CORO2A: variants seen among roughly 807,000 people sequenced by gnomAD.
CORO2A encodes the protein coronin-2A.
A neutral mutation model predicts 62.4 loss-of-function variants in CORO2A; 47 were observed. That is an observed-to-expected ratio of 0.75 (90% CI 0.60 to 0.96). The LOEUF is 0.96. Among genes scored for constraint, CORO2A ranks in the 40% least tolerant of loss-of-function variants. The probability of loss-of-function intolerance (pLI) is 0.00; values close to 1 mark genes in which losing one functional copy is unlikely to be tolerated. For missense variants in CORO2A, 610 were observed against 684.1 expected (o/e 0.89, Z 1.21); for synonymous variants, 273 against 268.9 (o/e 1.02, Z -0.15).
At chr9:98,153,713 G>C (rs1221202151) in intron 2 of CORO2A, among the ~76,000 whole-genome samples, 6 of 148,326 alleles carry the variant, frequency 4.0e-5, no homozygotes, top group Admixed American at 6.7e-5. Context: ...CACCCCGAGA[G>C]GCAAAATGTT....
chr9:98,125,915 G>A (rs1274543422), intron 11 of CORO2A, among the ~76,000 whole-genome samples: 2 of 151,048 alleles, frequency 1.3e-5, no homozygotes, highest in African/African-American at 4.9e-5. Flanking sequence ...ACGGGGTTTC[G>A]CCATGTTGGC....
At chr9:98,138,271 C>A (rs530455944) in intron 2 of CORO2A, among the ~76,000 whole-genome samples, 1 of 151,886 alleles carries the variant, frequency 6.6e-6, no homozygotes, top group African/African-American at 2.4e-5. Context: ...AAAAATTAGC[C>A]GGGCGTGGTA....
rs1256970715 is a variant in CORO2A at position 98,124,354 on chromosome 9, C to T, written c.*420G>A. ...TCCCGACCTCAAGCAATCCGCCCAC[C>T]TCAGCCTCCCAGAGTGCTGGGATTA... On this transcript the variant is annotated 3_prime_UTR_variant, in exon 12 of 12. Transcript: ENST00000375077. 6.5e-6 allele frequency: 1 copy of T among 153,078 alleles called. No homozygotes were observed. The highest frequency in any genetic ancestry group is 1.5e-5 in the Non-Finnish European group (1 of 68,674). 9.5% of individuals were successfully genotyped at this position (153,078 alleles called of 1,614,324 possible).
chr9:98,171,521 T>G (rs949024367), intron 1 of CORO2A, among the ~76,000 whole-genome samples: 2 of 152,228 alleles, frequency 1.3e-5, no homozygotes, highest in Non-Finnish European at 2.9e-5. Context: ...GGCCCCCATG[T>G]AACCAGCAAG....
intron 3 of CORO2A, among the ~76,000 whole-genome samples, chr9:98,136,813 ATGACTTT>A (rs1827491477): frequency 6.6e-6 from 1 of 152,190 alleles, no homozygotes; most frequent in African/African-American, 2.4e-5. Flanking sequence ...AATGGTGACA[ATGACTTT>A]TATCTTTATT....
chr9:98,146,331 G>T (rs781420764), intron 2 of CORO2A, among the ~76,000 whole-genome samples: 2 of 152,142 alleles, frequency 1.3e-5, no homozygotes, highest in Non-Finnish European at 2.9e-5. Flanking sequence ...TACAGTCCCT[G>T]GTTGCCAAGG....
chr9:98,151,663 C>A (rs766716257), intron 2 of CORO2A, among the ~76,000 whole-genome samples: 12 of 151,984 alleles, frequency 7.9e-5, no homozygotes, highest in African/African-American at 2.7e-4. Context: ...ACTTTTCTTT[C>A]GCTATTTTTC....
intron 1 of CORO2A, among the ~76,000 whole-genome samples, chr9:98,159,056 C>T (rs1473248730): frequency 6.7e-6 from 1 of 148,368 alleles, no homozygotes; most frequent in African/African-American, 2.5e-5. Context: ...CCTCATATCA[C>T]CCTTTATTTA....
rs570285552 is a variant in CORO2A, at chr9:98,120,993, A to G, written c.*3781T>C. ...AAGCTCCTTGTAGTAAAATGGCCAGATGTTTATTATTTTGTTACATTATTT... is the reference window on the plus strand; with the variant it reads ...AAGCTCCTTGTAGTAAAATGGCCAGGTGTTTATTATTTTGTTACATTATTT... On this transcript the variant is annotated 3_prime_UTR_variant, in exon 12 of 12. Coordinates refer to ENST00000375077, the MANE Select transcript of CORO2A (RefSeq NM_052820.4). The G allele has an allele frequency of 8.6e-4, 131 of 152,302 alleles. No homozygotes were observed. The highest frequency in any genetic ancestry group is 3.1e-3 in the African/African-American group (127 of 41,556). The allele number at this position is 152,302 out of a possible 1,614,324, so 9.4% of individuals were successfully genotyped here.
intron 2 of CORO2A, among the ~76,000 whole-genome samples, chr9:98,150,062 G>C (rs905937354): frequency 6.6e-6 from 1 of 151,880 alleles, no homozygotes; most frequent in Non-Finnish European, 1.5e-5. Flanking sequence ...CTCCCGAATA[G>C]TTGGGGTTAC....
At chr9:98,127,081 A>G (rs1827332573) in intron 10 of CORO2A, 4 of 553,198 alleles carry the variant, frequency 7.2e-6, no homozygotes, top group South Asian at 4.4e-5. Context: ...AGCAGCCCCC[A>G]AACACTTCAA....
chr9:98,124,908 G>A lies in CORO2A; in HGVS notation c.1447-3C>T, dbSNP rs759541632. On this transcript the variant is annotated splice_polypyrimidine_tract_variant and splice_region_variant and intron_variant, in intron 11 of 11. Transcript: ENST00000375077. ...TGCCGGTAGAACATCTGCAGCAACT[G>A]GGGAAGAAAGATCGGAAGGCAGGAT... 59 of 1,560,418 alleles carry A rather than the reference G, an allele frequency of 3.8e-5. No individual in the cohort carries two copies. Among genetic ancestry groups the A allele is most frequent in the Non-Finnish European group, 5.0e-5 (58 of 1,150,708 alleles).
chr9:98,134,193 G>A (rs1296865196), intron 4 of CORO2A, among the ~76,000 whole-genome samples: 1 of 152,216 alleles, frequency 6.6e-6, no homozygotes, highest in African/African-American at 2.4e-5. Flanking sequence ...GAGGCCTAGA[G>A]AAGTCAAGGC....
intron 1 of CORO2A, among the ~76,000 whole-genome samples, chr9:98,163,301 T>C (rs1759613970): frequency 6.6e-6 from 1 of 152,234 alleles, no homozygotes; most frequent in African/African-American, 2.4e-5. Flanking sequence ...GCGATTCTCC[T>C]GCCTCAGCCT....
At chr9:98,142,397 A>G (rs1252850368) in intron 2 of CORO2A, among the ~76,000 whole-genome samples, 3 of 152,238 alleles carry the variant, frequency 2.0e-5, no homozygotes, top group Admixed American at 6.5e-5. Context: ...AGCACCAGTG[A>G]GTGCTCTGTG....
At chr9:98,136,477 AG>A (rs1827488364) in intron 3 of CORO2A, among the ~76,000 whole-genome samples, 1 of 152,270 alleles carries the variant, frequency 6.6e-6, no homozygotes, top group Non-Finnish European at 1.5e-5. Flanking sequence ...CTTGGCTGCC[AG>A]GTAGCTCTTA....
Position 98,148,225 on chromosome 9 carries a change from T to C in CORO2A, c.201+9235A>G, listed in dbSNP as rs560354766. On this transcript the variant is annotated intron_variant, in intron 2 of 11. Transcript: ENST00000375077. ...GCCTGGCCAACATAGCAAAACCCCATCTCTACTGAAAATATAAAAACTAGC... is the reference window on the plus strand; with the variant it reads ...GCCTGGCCAACATAGCAAAACCCCACCTCTACTGAAAATATAAAAACTAGC... Among the ~76,000 whole-genome samples the C allele has an allele frequency of 5.3e-5, 8 of 150,328 alleles. 1 individual carries two copies. Among genetic ancestry groups the C allele is most frequent in the African/African-American group, 2.0e-4 (8 of 40,940 alleles).
intron 8 of CORO2A, 56 bp downstream of exon 8, chr9:98,129,738 C>T (rs1248862684): frequency 2.9e-6 from 4 of 1,381,746 alleles, no homozygotes; most frequent in Admixed American, 3.4e-5. Flanking sequence ...ATTCTCCCAC[C>T]TCGGCCTCCC....
chr9:98,131,142 A>G (rs1029934954), intron 6 of CORO2A, 83 bp from the exon 7 acceptor site: 5 of 890,014 alleles, frequency 5.6e-6, no homozygotes, highest in African/African-American at 1.7e-5. Context: ...AATTGCTGCC[A>G]TGGTGCTCTG....
Sources: gnomAD v4.1 joint callset for allele counts (sites outside exome capture counted in the v4.1 genomes callset) on GRCh38, gnomAD v4.1.1 for gene constraint, MANE v1.5 for transcripts, NCBI Gene and HGNC (gene_info 2026-07-23, HGNC 2026-07-21) for gene names.